Variants in BUD13 observed in about 807,000 individuals in gnomAD.
BUD13 encodes BUD13 spliceosome associated protein, also known as BUD13 homolog.
A neutral mutation model predicts 62.5 loss-of-function variants in BUD13; 47 were observed. That is an observed-to-expected ratio of 0.75 (90% CI 0.60 to 0.96). The LOEUF (loss-of-function observed/expected upper bound fraction) is 0.96. BUD13 is among the 40% of genes least tolerant of loss of function. The pLI, the probability that BUD13 is intolerant of heterozygous loss-of-function variation, is 0.00. For synonymous variants in BUD13, 293 were observed against 280.1 expected, an observed-to-expected ratio of 1.05 and a Z score of -0.46; for missense variants, 821 against 790.9, an observed-to-expected ratio of 1.04 and a Z score of -0.46.
chr11:116,755,729 T>C (rs1486957222), intron 9 of BUD13, among the ~76,000 whole-genome samples: 3 of 152,234 alleles, frequency 2.0e-5, no homozygotes, highest in Non-Finnish European at 4.4e-5. Context: ...GCCATCCTTC[T>C]GTTTTTTCAC....
Position 116,748,328 on chromosome 11 carries a change from A to G in BUD13, c.*154T>C, listed in dbSNP as rs1591293354. 3.1e-6 allele frequency: 2 copies of G among 636,394 alleles called. No individual in the cohort carries two copies. The highest frequency in any genetic ancestry group is 2.8e-6 in the Non-Finnish European group (1 of 360,588). 39.4% of individuals were successfully genotyped at this position (636,394 alleles called of 1,614,324 possible). A position where few individuals can be genotyped will look rare whatever the true frequency, so the allele number is the denominator to read the frequency against. On this transcript the variant is annotated 3_prime_UTR_variant, in exon 10 of 10. Coordinates refer to ENST00000260210, the MANE Select transcript of BUD13 (RefSeq NM_032725.4). Reference sequence around the variant, plus strand: ...GTACAGGTACCTCAGTCCAAACATCAGGTCTCGAATATTCTTCTGTGGTCA... The same window carrying G: ...GTACAGGTACCTCAGTCCAAACATCGGGTCTCGAATATTCTTCTGTGGTCA...
Position 116,772,809 on chromosome 11 carries a change from G to T in BUD13, c.143+13C>A. The T allele has an allele frequency of 6.4e-7, 1 of 1,552,474 alleles. No homozygotes were observed. On this transcript the variant is annotated intron_variant, in intron 1 of 9. Transcript: ENST00000260210. ...AGACGTCGCAGGCCCCGCCCCGGCC[G>T]GTACCAACTCACCCCTTGCCGCCGG... is the stretch of plus-strand genomic sequence containing the variant.
intron 2 of BUD13, among the ~76,000 whole-genome samples, chr11:116,767,876 G>A (rs1475631871): frequency 6.6e-6 from 1 of 151,522 alleles, no homozygotes; most frequent in Non-Finnish European, 1.5e-5. Flanking sequence ...GCAGGACTAA[G>A]GTAGGAGGAT....
chr11:116,750,254 GA>G (rs1940209872), intron 9 of BUD13, among the ~76,000 whole-genome samples: 1 of 152,182 alleles, frequency 6.6e-6, no homozygotes, highest in African/African-American at 2.4e-5. Context: ...AATGATCAGA[GA>G]AAAGAACCAG....
chr11:116,759,170 T>G lies in BUD13; in HGVS notation c.1264A>C (p.Met422Leu). ...SQPPGKKAAH[M>L]YSGAKTGLVL... ...AACCCAGTTTTAGCCCCAGAATACA[T>G]GTGTGCAGCCTATGCAACGGAAAAG... The change falls in exon 6 of 10, where the codon ATG becomes CTG. Residue 422 changes from methionine to leucine, a missense_variant. Physicochemically the swap from Met to Leu is conservative, Grantham distance 15. Coordinates refer to ENST00000260210, the MANE Select transcript of BUD13 (RefSeq NM_032725.4). 1 of 1,613,856 alleles carries G rather than the reference T, an allele frequency of 6.2e-7. No homozygotes were observed. Among genetic ancestry groups the G allele is most frequent in the Non-Finnish European group, 8.5e-7 (1 of 1,179,744 alleles).
intron 9 of BUD13, among the ~76,000 whole-genome samples, chr11:116,755,359 C>T (rs1025887237): frequency 3.3e-5 from 5 of 152,126 alleles, no homozygotes; most frequent in Admixed American, 6.5e-5. Flanking sequence ...AATATGTCAA[C>T]ATTTGGAAGG....
At chr11:116,766,445 C>G (rs529762197) in intron 2 of BUD13, among the ~76,000 whole-genome samples, 5 of 152,196 alleles carry the variant, frequency 3.3e-5, no homozygotes, top group Non-Finnish European at 7.3e-5. Flanking sequence ...AAAATCCTAC[C>G]ATCATTCTTC....
In BUD13 at chr11:116,748,379, T is replaced by G. The variant is rs2134168170; in HGVS notation, c.*103A>C. The G allele has an allele frequency of 1.0e-6, 1 of 1,003,618 alleles. No homozygotes were observed. The highest frequency in any genetic ancestry group is 2.4e-5 in the East Asian group (1 of 41,286). 62.2% of individuals were successfully genotyped at this position (1,003,618 alleles called of 1,614,324 possible). On this transcript the variant is annotated 3_prime_UTR_variant, in exon 10 of 10. Transcript: ENST00000260210. ...AAACTGGCATTCAACAAGTTGCTGG[T>G]CTGTGTGGGCTCCAATTATTAGCAC...
chr11:116,748,308 G>T lies in BUD13; in HGVS notation c.*174C>A, dbSNP rs1166180193. 3 of 593,598 alleles carry T rather than the reference G, an allele frequency of 5.1e-6. No homozygotes were observed. The African/African-American group carries it at 5.6e-5, about 11-fold the overall frequency. 36.8% of individuals were successfully genotyped at this position (593,598 alleles called of 1,614,324 possible). The stretch of plus-strand genomic sequence containing the variant: ...GGTGCTGTCACACCCAAGAAGTACA[G>T]GTACCTCAGTCCAAACATCAGGTCT... On this transcript the variant is annotated 3_prime_UTR_variant, in exon 10 of 10. Coordinates refer to ENST00000260210, the MANE Select transcript of BUD13 (RefSeq NM_032725.4).
chr11:116,772,603 C>G (rs1448088436), intron 1 of BUD13, among the ~76,000 whole-genome samples: 1 of 152,238 alleles, frequency 6.6e-6, no homozygotes, highest in East Asian at 1.9e-4. Context: ...CCGGCTTTAA[C>G]GCACTGACGC....
intron 3 of BUD13, among the ~76,000 whole-genome samples, chr11:116,763,501 T>C (rs1414751640): frequency 1.3e-5 from 2 of 152,162 alleles, no homozygotes; most frequent in Non-Finnish European, 2.9e-5. Flanking sequence ...AGCACATTTT[T>C]CATATTATAC....
rs1313434370 is a variant in BUD13, at chr11:116,762,629, A to C, written c.960T>G (p.Tyr320Ter). ...LSFPKNSKYE[Y>*]DPDISPPRKK... ...TTCGTGGAGGAGAGATGTCAGGGTCATACTCATATTTGCTGTTCTTTGGGA... is the reference window on the plus strand; with the variant it reads ...TTCGTGGAGGAGAGATGTCAGGGTCCTACTCATATTTGCTGTTCTTTGGGA... The change falls in exon 4 of 10, where the codon TAT (tyrosine) becomes TAG (stop). Residue 320 changes from tyrosine (Y) to a stop codon, truncating the protein, a stop_gained. Transcript: ENST00000260210. LOFTEE classifies it high-confidence loss of function. 3 of 1,614,210 alleles carry C rather than the reference A, an allele frequency of 1.9e-6. No individual in the cohort carries two copies. In the African/African-American group the frequency reaches 4.0e-5, roughly 22 times the overall value.
intron 2 of BUD13, among the ~76,000 whole-genome samples, chr11:116,767,611 A>AAG (rs1940554761): frequency 6.8e-6 from 1 of 146,852 alleles, no homozygotes; most frequent in Non-Finnish European, 1.5e-5. Context: ...AAAAAAAAAA[A>AAG]AGAAACTGGA....
intron 5 of BUD13, among the ~76,000 whole-genome samples, chr11:116,760,492 T>C (rs1940409486): frequency 1.3e-5 from 2 of 152,198 alleles, no homozygotes; most frequent in Admixed American, 1.3e-4. Context: ...AAAATGAGAT[T>C]GTAGAATTAA....
In BUD13 at chr11:116,758,976, T is replaced by C. The variant is rs1056290383; in HGVS notation, c.1360+98A>G. 19 of 810,320 alleles carry C rather than the reference T, an allele frequency of 2.3e-5. 1 individual carries two copies. The African/African-American group carries it at 2.6e-4, about 11-fold the overall frequency. The allele number at this position is 810,320 out of a possible 1,614,324, so 50.2% of individuals were successfully genotyped here. A position where few individuals can be genotyped will look rare whatever the true frequency, so the allele number is the denominator to read the frequency against. On this transcript the variant is annotated intron_variant, in intron 6 of 9. Transcript: ENST00000260210. ...GCATAAAACCAGAGCTGAAATTTGA[T>C]AGCAATTAAAAGTTCAAAATATCAG... is the stretch of plus-strand genomic sequence containing the variant.
intron 1 of BUD13, among the ~76,000 whole-genome samples, chr11:116,771,199 C>T (rs938968527): frequency 9.9e-5 from 15 of 152,282 alleles, no homozygotes; most frequent in Middle Eastern, 6.8e-3. Context: ...GACTAAGAAC[C>T]CTTGTTAAAA....
At chr11:116,750,825 C>T (rs1258078201) in intron 9 of BUD13, among the ~76,000 whole-genome samples, 2 of 152,220 alleles carry the variant, frequency 1.3e-5, no homozygotes, top group African/African-American at 4.8e-5. Context: ...AGATAGGCTT[C>T]CAGGGCCTTC....
chr11:116,770,371 T>C (rs1940602385), intron 1 of BUD13, 149 bp from the exon 2 acceptor site: 6 of 610,624 alleles, frequency 9.8e-6, no homozygotes, highest in Non-Finnish European at 1.3e-5. Flanking sequence ...CTCCTACTGC[T>C]ACTTCCTTGG....
Position 116,748,447 on chromosome 11 carries a change from ACCACAGCCCAGCCACCC to A in BUD13, c.*18_*34del. Reference sequence around the variant, plus strand: ...GGATATCTCGCTGCCTATGCCCACTACCACAGCCCAGCCACCCCCACAGCCTCAGGAAAGTTACATAT... The same window carrying A: ...GGATATCTCGCTGCCTATGCCCACTACCACAGCCTCAGGAAAGTTACATAT... On this transcript the variant is annotated 3_prime_UTR_variant, in exon 10 of 10. Transcript: ENST00000260210. 6.3e-7 allele frequency: 1 copy of A among 1,591,724 alleles called. No individual in the cohort carries two copies. Among genetic ancestry groups the A allele is most frequent in the Non-Finnish European group, 8.6e-7 (1 of 1,159,644 alleles).
Sources: gnomAD v4.1 joint callset for allele counts (sites outside exome capture counted in the v4.1 genomes callset) on GRCh38, gnomAD v4.1.1 for gene constraint, MANE v1.5 for transcripts, NCBI Gene and HGNC (gene_info 2026-07-23, HGNC 2026-07-21) for gene names.